FAM3C: variants seen among roughly 807,000 people sequenced by gnomAD.
The protein encoded by FAM3C is protein FAM3C.
Under a neutral mutation model 32.5 loss-of-function variants are expected in FAM3C, and 15 were observed. That is an observed-to-expected ratio of 0.46 (90% CI 0.31 to 0.71). The LOEUF is 0.71. Ranked by LOEUF, FAM3C falls within the 30% of genes least tolerant of loss-of-function variation. The pLI, the probability that FAM3C is intolerant of heterozygous loss-of-function variation, is 0.05. For missense variants in FAM3C, 175 were observed against 274.4 expected (o/e 0.64, Z 2.56); for synonymous variants, 75 against 86.1 (o/e 0.87, Z 0.72).
At chr7:121,388,865 A>G (rs1353371878) in intron 1 of FAM3C, among the ~76,000 whole-genome samples, 3 of 152,138 alleles carry the variant, frequency 2.0e-5, no homozygotes, top group African/African-American at 7.2e-5. Context: ...GCCAGATATG[A>G]AGCAAATTGG....
chr7:121,391,431 G>T (rs1280534877), intron 1 of FAM3C, among the ~76,000 whole-genome samples: 1 of 152,024 alleles, frequency 6.6e-6, no homozygotes, highest in East Asian at 1.9e-4. Flanking sequence ...ACATAAATGG[G>T]GTAATGAAGT....
In FAM3C at chr7:121,368,976, T is replaced by G. The variant is rs1434904067; in HGVS notation, c.272+2324A>C. Among the ~76,000 whole-genome samples, 521 of 88,896 alleles carry G rather than the reference T, an allele frequency of 5.9e-3. 1 individual carries two copies. Among genetic ancestry groups the G allele is most frequent in the East Asian group, 0.028 (139 of 4,920 alleles). 58.3% of individuals were successfully genotyped at this position (88,896 alleles called of 152,430 possible). Reference sequence around the variant, plus strand: ...TCATTTTTTGTTGTTGTTGTTGTTTTTTTTTTTTTTTTTTTTTGAGACAAA... The same window carrying G: ...TCATTTTTTGTTGTTGTTGTTGTTTGTTTTTTTTTTTTTTTTTGAGACAAA... On this transcript the variant is annotated intron_variant, in intron 5 of 9. Transcript: ENST00000359943.
chr7:121,383,075 G>T, intron 1 of FAM3C, 65 bp from the exon 2 acceptor site: 2 of 824,734 alleles, frequency 2.4e-6, no homozygotes, highest in South Asian at 1.7e-5. Context: ...CTTAGATTGA[G>T]TTTGAAATGG....
intron 1 of FAM3C, among the ~76,000 whole-genome samples, chr7:121,386,674 TAC>T (rs749771631): frequency 4.3e-5 from 6 of 141,094 alleles, no homozygotes; most frequent in South Asian, 2.2e-4. Context: ...TATCTATACA[TAC>T]ACACACACAC....
chr7:121,395,714 T>C lies in FAM3C; in HGVS notation c.-42+448A>G, dbSNP rs1217503811. ...CTCTAGTATAGGCGACACTAAAACT[T>C]TACAAGTGAGTCAAAACGGCCCCCT... is the stretch of plus-strand genomic sequence containing the variant. On this transcript the variant is annotated intron_variant, in intron 1 of 9. Coordinates refer to ENST00000359943, the MANE Select transcript of FAM3C (RefSeq NM_014888.3). Among the ~76,000 whole-genome samples, 4 of 152,066 alleles carry C rather than the reference T, an allele frequency of 2.6e-5. No individual in the cohort carries two copies. In the South Asian group the frequency reaches 6.2e-4, roughly 24 times the overall value.
chr7:121,371,195 T>C (rs1794137843), intron 5 of FAM3C, 105 bp downstream of exon 5: 1 of 1,321,716 alleles, frequency 7.6e-7, no homozygotes, highest in Non-Finnish European at 1.0e-6. Flanking sequence ...TCACTTTCCA[T>C]TAATAAAGTA....
intron 2 of FAM3C, 78 bp from the exon 3 acceptor site, chr7:121,379,092 T>A (rs1794298493): frequency 2.5e-6 from 2 of 792,276 alleles, no homozygotes; most frequent in East Asian, 2.7e-5. Context: ...AAAATGTTTA[T>A]AAATTTTTTA....
intron 8 of FAM3C, 27 bp from the exon 9 acceptor site, chr7:121,351,296 C>T: frequency 1.2e-6 from 2 of 1,606,970 alleles, no homozygotes; most frequent in East Asian, 2.2e-5. Context: ...AAGAATACAA[C>T]AATAAACAGA....
chr7:121,387,930 G>A (rs1207329815), intron 1 of FAM3C, among the ~76,000 whole-genome samples: 1 of 151,970 alleles, frequency 6.6e-6, no homozygotes, highest in Non-Finnish European at 1.5e-5. Flanking sequence ...CGGCTGTCAA[G>A]TACCCTGTCT....
chr7:121,391,348 G>A (rs1384600135), intron 1 of FAM3C, among the ~76,000 whole-genome samples: 1 of 151,960 alleles, frequency 6.6e-6, no homozygotes. Context: ...ATGAATGGAT[G>A]GACAGAAAGA....
chr7:121,363,746 A>G (rs1793970904), intron 6 of FAM3C, among the ~76,000 whole-genome samples: 1 of 152,156 alleles, frequency 6.6e-6, no homozygotes, highest in Non-Finnish European at 1.5e-5. Flanking sequence ...ATAATGAAAA[A>G]TTACAATACA....
chr7:121,367,472 C>T (rs1794045407), intron 5 of FAM3C, among the ~76,000 whole-genome samples: 2 of 151,962 alleles, frequency 1.3e-5, no homozygotes, highest in Non-Finnish European at 2.9e-5. Flanking sequence ...TACATAATAA[C>T]CTTGATTTTA....
chr7:121,356,196 A>AG (rs35203698), intron 8 of FAM3C, among the ~76,000 whole-genome samples: 38,800 of 152,068 alleles, frequency 0.26, 5,940 homozygotes, highest in African/African-American at 0.44. Flanking sequence ...GAAACATGGT[A>AG]GCTAGCATCT....
chr7:121,378,552 A>C (rs1320253520), intron 3 of FAM3C, among the ~76,000 whole-genome samples: 1 of 152,146 alleles, frequency 6.6e-6, no homozygotes, highest in Non-Finnish European at 1.5e-5. Flanking sequence ...TGGCTAACTG[A>C]GGGCTAGATT....
At chr7:121,357,217 C>T (rs921960507) in intron 8 of FAM3C, among the ~76,000 whole-genome samples, 6 of 152,008 alleles carry the variant, frequency 3.9e-5, no homozygotes, top group African/African-American at 1.4e-4. Context: ...GGATCAGAGA[C>T]GACGAGAGAG....
At chr7:121,388,872 T>C (rs1260912165) in intron 1 of FAM3C, among the ~76,000 whole-genome samples, 1 of 152,090 alleles carries the variant, frequency 6.6e-6, no homozygotes, top group Non-Finnish European at 1.5e-5. Context: ...ATGAAGCAAA[T>C]TGGGATTATA....
At chr7:121,358,626 A>G (rs1235804070) in intron 8 of FAM3C, among the ~76,000 whole-genome samples, 1 of 152,112 alleles carries the variant, frequency 6.6e-6, no homozygotes, top group Non-Finnish European at 1.5e-5. Context: ...CCAAATCTAC[A>G]TAAGAACATA....
intron 2 of FAM3C, among the ~76,000 whole-genome samples, chr7:121,381,640 T>C (rs912323215): frequency 2.0e-5 from 3 of 148,562 alleles, no homozygotes; most frequent in African/African-American, 4.9e-5. Context: ...TAAGTCCTGC[T>C]GTACTCAAAG....
chr7:121,366,892 A>T (rs186338416), intron 5 of FAM3C, among the ~76,000 whole-genome samples: 1 of 152,324 alleles, frequency 6.6e-6, no homozygotes, highest in Non-Finnish European at 1.5e-5. Context: ...TGCTGTGATT[A>T]ACGGGTTAAG....
Sources: gnomAD v4.1 joint callset for allele counts (sites outside exome capture counted in the v4.1 genomes callset) on GRCh38, gnomAD v4.1.1 for gene constraint, MANE v1.5 for transcripts, NCBI Gene and HGNC (gene_info 2026-07-23, HGNC 2026-07-21) for gene names.